Variants in SMCO2 observed in about 807,000 individuals in gnomAD.
SMCO2 encodes the protein single-pass membrane protein with coiled-coil domains 2.
Under a neutral mutation model 29.5 loss-of-function variants are expected in SMCO2, and 25 were observed. That is an observed-to-expected ratio of 0.85 (90% CI 0.62 to 1.18). The LOEUF (loss-of-function observed/expected upper bound fraction) is 1.18. Among genes scored for constraint, SMCO2 ranks in the 50% most tolerant of loss-of-function variants. The pLI is 0.00. For missense variants in SMCO2, 348 were observed against 344.5 expected (o/e 1.01, Z -0.08); for synonymous variants, 117 against 123.3 (o/e 0.95, Z 0.34).
At chr12:27,493,552 C>A (rs1238181911) in intron 5 of SMCO2, among the ~76,000 whole-genome samples, 1 of 151,930 alleles carries the variant, frequency 6.6e-6, no homozygotes, top group Non-Finnish European at 1.5e-5. Context: ...AAATTAATTT[C>A]TATAAGTGTC....
chr12:27,473,932 G>A (rs934364977), intron 3 of SMCO2, among the ~76,000 whole-genome samples: 17 of 152,184 alleles, frequency 1.1e-4, no homozygotes, highest in African/African-American at 4.1e-4. Flanking sequence ...ACATGTCTTG[G>A]ATGCTTTTCT....
chr12:27,451,031 G>T, the SMCO2 span, among the ~76,000 whole-genome samples: 1 of 152,176 alleles, frequency 6.6e-6, no homozygotes, highest in African/African-American at 2.4e-5. Context: ...CCAAGCCGAG[G>T]CTCTCATTCA....
chr12:27,427,978 G>T, the SMCO2 span, among the ~76,000 whole-genome samples: 1 of 152,250 alleles, frequency 6.6e-6, no homozygotes, highest in East Asian at 1.9e-4. Context: ...AATCATATGG[G>T]GTTGAAGCTG....
intron 1 of SMCO2, among the ~76,000 whole-genome samples, chr12:27,469,858 C>G (rs556264472): frequency 3.5e-4 from 54 of 152,174 alleles, no homozygotes; most frequent in Non-Finnish European, 7.3e-4. Flanking sequence ...AGCGAACACC[C>G]GCCTATCAGA....
At chr12:27,424,079 A>C in the SMCO2 span, 1 of 152,260 alleles carries the variant, frequency 6.6e-6, no homozygotes, top group African/African-American at 2.4e-5. Context: ...TTAAAACATT[A>C]AAATTAGTTC....
At chr12:27,429,191 A>C in the SMCO2 span, among the ~76,000 whole-genome samples, 1 of 152,092 alleles carries the variant, frequency 6.6e-6, no homozygotes, top group African/African-American at 2.4e-5. Flanking sequence ...TTGCTTTTTA[A>C]ATTTTTTTTC....
chr12:27,500,280 A>G (rs1943061287), intron 7 of SMCO2, among the ~76,000 whole-genome samples: 1 of 150,594 alleles, frequency 6.6e-6, no homozygotes, highest in Non-Finnish European at 1.5e-5. Flanking sequence ...GTCAAGAAAT[A>G]AATATGAATT....
At chr12:27,475,584 G>T in intron 4 of SMCO2, 5 of 1,532,120 alleles carry the variant, frequency 3.3e-6, no homozygotes, top group Non-Finnish European at 4.4e-6. Context: ...TTCCGCAGGT[G>T]TCTGAAGGGC....
At chr12:27,469,012 T>C (rs993094070) in intron 1 of SMCO2, among the ~76,000 whole-genome samples, 2 of 152,214 alleles carry the variant, frequency 1.3e-5, no homozygotes, top group African/African-American at 2.4e-5. Flanking sequence ...TGACAGACGA[T>C]GTTTTCTTTG....
chr12:27,454,595 C>T, the SMCO2 span, among the ~76,000 whole-genome samples: 1 of 152,084 alleles, frequency 6.6e-6, no homozygotes, highest in South Asian at 2.1e-4. Context: ...TATTATTATA[C>T]TTTAAGTTCT....
chr12:27,501,870 C>A, intron 7 of SMCO2, 53 bp from the exon 9 acceptor site: 1 of 1,369,280 alleles, frequency 7.3e-7, no homozygotes, highest in South Asian at 1.6e-5. Context: ...AGGAGCCTAT[C>A]AATGTGATTA....
At chr12:27,460,151 A>G in the SMCO2 span, among the ~76,000 whole-genome samples, 1 of 151,526 alleles carries the variant, frequency 6.6e-6, no homozygotes, top group Non-Finnish European at 1.5e-5. Context: ...TTTATCTGTA[A>G]AATGGAGACA....
intron 7 of SMCO2, chr12:27,498,263 A>C (rs1158937168): frequency 2.1e-5 from 5 of 242,360 alleles, no homozygotes; most frequent in Non-Finnish European, 4.3e-5. Context: ...GGCCAGTATC[A>C]ATGATCAGAT....
chr12:27,479,340 G>A (rs1949620076), intron 4 of SMCO2, among the ~76,000 whole-genome samples: 1 of 151,834 alleles, frequency 6.6e-6, no homozygotes, highest in South Asian at 2.1e-4. Context: ...GTGGCTAGTG[G>A]GTGGACCTGT....
chr12:27,494,093 C>G (rs944795479), intron 5 of SMCO2: 7 of 350,118 alleles, frequency 2.0e-5, no homozygotes, highest in African/African-American at 1.5e-4. Context: ...TGAAAATAAT[C>G]TTGTTATGTT....
intron 4 of SMCO2, among the ~76,000 whole-genome samples, chr12:27,484,470 T>C (rs1399043363): frequency 6.6e-6 from 1 of 152,200 alleles, no homozygotes; most frequent in African/African-American, 2.4e-5. Context: ...AAAGCATTCA[T>C]TTTGTAAAGA....
At chr12:27,479,172 G>C (rs577008578) in intron 4 of SMCO2, among the ~76,000 whole-genome samples, 31 of 152,200 alleles carry the variant, frequency 2.0e-4, no homozygotes, top group African/African-American at 7.0e-4. Context: ...GGATGGGCCT[G>C]TCATCAGGTC....
At chr12:27,431,868 T>C in the SMCO2 span, among the ~76,000 whole-genome samples, 1 of 152,218 alleles carries the variant, frequency 6.6e-6, no homozygotes, top group African/African-American at 2.4e-5. Flanking sequence ...CATTTTACAT[T>C]GCAATCACCA....
rs569286602 is a variant in SMCO2, at chr12:27,495,966, G to A, written c.683+111G>A. On this transcript the variant is annotated intron_variant, in intron 7 of 7. Coordinates refer to ENST00000298876, the Ensembl canonical transcript of SMCO2. ...GACTAAAATGTTTTGTTTTATTTTC[G>A]TTTGTAAATTATCTATGTTCTTTAA... The A allele has an allele frequency of 5.2e-4, 578 of 1,120,172 alleles. 23 individuals are homozygous for A. Among genetic ancestry groups the A allele is most frequent in the African/African-American group, 3.5e-3 (213 of 60,496 alleles). 69.4% of individuals were successfully genotyped at this position (1,120,172 alleles called of 1,614,324 possible).
Sources: allele counts gnomAD v4.1 joint callset (sites outside exome capture counted in the v4.1 genomes callset), GRCh38; gene constraint gnomAD v4.1.1; transcripts MANE v1.5; gene names NCBI Gene and HGNC (gene_info 2026-07-23, HGNC 2026-07-21).